The following CFAP58 variants were observed in gnomAD, a reference collection of about 807,000 sequenced individuals.
CFAP58 encodes the protein cilia and flagella associated protein 58.
CFAP58 carries 88 observed loss-of-function variants against 119.5 expected under a neutral mutation model. That is an observed-to-expected ratio of 0.74 (90% CI 0.62 to 0.88). The LOEUF (loss-of-function observed/expected upper bound fraction) is 0.88. Ranked by LOEUF, CFAP58 falls within the 40% of genes least tolerant of loss-of-function variation. The pLI, the probability that CFAP58 is intolerant of heterozygous loss-of-function variation, is 0.00. For missense variants in CFAP58, 990 were observed against 1,021.2 expected (o/e 0.97, Z 0.42); for synonymous variants, 365 against 366.3 (o/e 1.00, Z 0.04).
chr10:104,358,156 T>G (rs1346942338), intron 1 of CFAP58, among the ~76,000 whole-genome samples, 185 bp from the exon 2 acceptor site: 1 of 151,708 alleles, frequency 6.6e-6, no homozygotes, highest in Admixed American at 6.6e-5. Context: ...TACTTATATA[T>G]GTACATAAGC....
At chr10:104,342,531 A>G in the CFAP58 span, among the ~76,000 whole-genome samples, 1 of 152,120 alleles carries the variant, frequency 6.6e-6, no homozygotes, top group Non-Finnish European at 1.5e-5. Flanking sequence ...TTCACATTCC[A>G]TAGTGAAAGG....
intron 11 of CFAP58, among the ~76,000 whole-genome samples, chr10:104,395,396 C>T (rs569884174): frequency 6.6e-6 from 1 of 152,120 alleles, no homozygotes; most frequent in South Asian, 2.1e-4. Context: ...TTTAGGTCAT[C>T]GATTATAGGA....
At chr10:104,396,560 GT>G (rs1361362382) in intron 11 of CFAP58, among the ~76,000 whole-genome samples, 1 of 152,190 alleles carries the variant, frequency 6.6e-6, no homozygotes, top group Admixed American at 6.5e-5. Flanking sequence ...TGAAACTCGT[GT>G]TGAGATCATG....
At chr10:104,453,259 T>C (rs2013222951) in intron 17 of CFAP58, among the ~76,000 whole-genome samples, 1 of 152,158 alleles carries the variant, frequency 6.6e-6, no homozygotes, top group African/African-American at 2.4e-5. Context: ...CACTCAAGGC[T>C]AAAGCTTTTG....
chr10:104,416,742 G>A (rs771994309), intron 15 of CFAP58, among the ~76,000 whole-genome samples: 1 of 152,152 alleles, frequency 6.6e-6, no homozygotes, highest in Non-Finnish European at 1.5e-5. Context: ...GAGCACACCA[G>A]TCCCCTTTAC....
At chr10:104,450,284 T>C in intron 17 of CFAP58, 80 bp downstream of exon 17, 7 of 1,473,704 alleles carry the variant, frequency 4.7e-6, no homozygotes, top group Non-Finnish European at 6.6e-6. Context: ...AGTCACAGAG[T>C]TGCAAGTTTC....
intron 7 of CFAP58, among the ~76,000 whole-genome samples, chr10:104,374,453 GA>G (rs71022730): frequency 0.11 from 3,258 of 30,662 alleles, 29 homozygotes; most frequent in African/African-American, 0.17. Flanking sequence ...CTTGTTTCAG[GA>G]AAAAAAAAAA....
intron 15 of CFAP58, among the ~76,000 whole-genome samples, chr10:104,434,604 T>G (rs1247008726): frequency 6.6e-6 from 1 of 152,078 alleles, no homozygotes; most frequent in East Asian, 1.9e-4. Flanking sequence ...GCAGAGATTC[T>G]AGAGAGAGAG....
the CFAP58 span, among the ~76,000 whole-genome samples, chr10:104,340,773 C>A: frequency 3.3e-5 from 5 of 152,064 alleles, no homozygotes; most frequent in African/African-American, 9.7e-5. Flanking sequence ...GGGTGAGTAC[C>A]CACTCAGGGA....
chr10:104,446,837 A>G (rs1258588177), intron 15 of CFAP58, among the ~76,000 whole-genome samples: 2 of 152,242 alleles, frequency 1.3e-5, no homozygotes, highest in East Asian at 1.9e-4. Context: ...CTAGGATTCA[A>G]ATGAGGATTT....
chr10:104,356,498 C>T (rs116632841), intron 1 of CFAP58, among the ~76,000 whole-genome samples: 1,773 of 152,224 alleles, frequency 0.012, 45 homozygotes, highest in African/African-American at 0.041. Flanking sequence ...ATGTTGCAAA[C>T]GTAAGTAAGG....
intron 15 of CFAP58, among the ~76,000 whole-genome samples, chr10:104,443,698 G>T (rs2013073252): frequency 1.3e-5 from 2 of 152,306 alleles, no homozygotes; most frequent in Middle Eastern, 3.4e-3. Flanking sequence ...ACTGTAGCTT[G>T]GTGGGGAAAG....
intron 15 of CFAP58, among the ~76,000 whole-genome samples, chr10:104,423,101 G>A (rs57141994): frequency 0.012 from 1,767 of 151,940 alleles, 40 homozygotes; most frequent in African/African-American, 0.04. Flanking sequence ...TTTTTCTTTC[G>A]TTTAATTTTT....
chr10:104,381,568 A>C (rs1027725960), intron 9 of CFAP58, among the ~76,000 whole-genome samples: 1 of 152,178 alleles, frequency 6.6e-6, no homozygotes, highest in African/African-American at 2.4e-5. Flanking sequence ...CTCCTCAATG[A>C]AATTCAGGTT....
chr10:104,438,005 G>A (rs1298948329), intron 15 of CFAP58, among the ~76,000 whole-genome samples: 2 of 152,108 alleles, frequency 1.3e-5, no homozygotes, highest in Non-Finnish European at 2.9e-5. Context: ...TTTCTCAGAG[G>A]AGGAAACACA....
At chr10:104,381,272 G>A (rs572316612) in intron 9 of CFAP58, among the ~76,000 whole-genome samples, 5 of 152,302 alleles carry the variant, frequency 3.3e-5, no homozygotes, top group Admixed American at 6.5e-5. Flanking sequence ...GAGAAGGCTC[G>A]AGGATATATG....
intron 15 of CFAP58, among the ~76,000 whole-genome samples, chr10:104,411,833 G>A (rs147562925): frequency 9.9e-4 from 151 of 151,972 alleles, no homozygotes; most frequent in African/African-American, 3.4e-3. Context: ...GTCCCAGTGG[G>A]TAGATTTCTA....
chr10:104,411,529 TG>T (rs2012460387), intron 15 of CFAP58, among the ~76,000 whole-genome samples: 1 of 152,228 alleles, frequency 6.6e-6, no homozygotes, highest in Non-Finnish European at 1.5e-5. Context: ...TTTTGGATTG[TG>T]AACTCATTTT....
At chr10:104,443,449 CAG>C (rs1256600716) in intron 15 of CFAP58, among the ~76,000 whole-genome samples, 2 of 152,178 alleles carry the variant, frequency 1.3e-5, no homozygotes, top group African/African-American at 4.8e-5. Flanking sequence ...AGCTTGTTCA[CAG>C]AGTGAGGTGA....
Sources: gnomAD v4.1 joint callset for allele counts (sites outside exome capture counted in the v4.1 genomes callset) on GRCh38, gnomAD v4.1.1 for gene constraint, MANE v1.5 for transcripts, NCBI Gene and HGNC (gene_info 2026-07-23, HGNC 2026-07-21) for gene names.